Variants in BAZ2B observed in about 807,000 individuals in gnomAD.
The protein encoded by BAZ2B is bromodomain adjacent to zinc finger domain protein 2B.
BAZ2B carries 91 observed loss-of-function variants against 246.0 expected under a neutral mutation model. The observed-to-expected ratio is 0.37, with a 90% confidence interval of 0.31 to 0.44. The LOEUF is 0.44. BAZ2B is among the 20% of genes least tolerant of loss of function. The probability of loss-of-function intolerance (pLI) is 1.00; values close to 1 mark genes in which losing one functional copy is unlikely to be tolerated. For missense variants in BAZ2B, 2,332 were observed against 2,533.7 expected, an observed-to-expected ratio of 0.92 and a Z score of 1.71; for synonymous variants, 855 against 860.0, an observed-to-expected ratio of 0.99 and a Z score of 0.10.
intron 1 of BAZ2B, among the ~76,000 whole-genome samples, chr2:159,568,664 A>C (rs1013085144): frequency 6.6e-6 from 1 of 152,130 alleles, no homozygotes; most frequent in Non-Finnish European, 1.5e-5. Context: ...TGCCTGAATT[A>C]CTCTGGACTG....
At chr2:159,353,376 A>G (rs2058758021) in intron 27 of BAZ2B, among the ~76,000 whole-genome samples, 4 of 152,256 alleles carry the variant, frequency 2.6e-5, no homozygotes, top group South Asian at 4.1e-4. Context: ...GTTGAAAAAC[A>G]AACTCAGTGA....
At chr2:159,364,041 G>A (rs2059977745) in intron 27 of BAZ2B, among the ~76,000 whole-genome samples, 1 of 152,156 alleles carries the variant, frequency 6.6e-6, no homozygotes, top group Non-Finnish European at 1.5e-5. Context: ...AACTCTAGAA[G>A]CCAAGCTTCT....
At chr2:159,380,282 A>T (rs960173246) in intron 25 of BAZ2B, among the ~76,000 whole-genome samples, 1 of 152,178 alleles carries the variant, frequency 6.6e-6, no homozygotes, top group Non-Finnish European at 1.5e-5. Flanking sequence ...ACAATGCTTG[A>T]AATAGTCATC....
chr2:159,385,259 A>C lies in BAZ2B; in HGVS notation c.3582T>G (p.Thr1194=), dbSNP rs1443423511. The change falls in exon 23 of 37, where the codon ACT becomes ACG. Residue 1194 remains threonine, a synonymous_variant. Coordinates refer to ENST00000392783, the MANE Select transcript of BAZ2B (RefSeq NM_013450.4). ...MEAHCGQTEL[T]ESLKTKAFQA... ...GAAAAGCTTTGGTCTTCAGACTTTC[A>C]GTAAGCTCAGTTTGTCCACAGTGGG... The C allele has an allele frequency of 1.2e-6, 2 of 1,613,480 alleles. No individual in the cohort carries two copies. Among genetic ancestry groups the C allele is most frequent in the Non-Finnish European group, 1.7e-6 (2 of 1,179,694 alleles).
intron 1 of BAZ2B, among the ~76,000 whole-genome samples, chr2:159,569,365 C>A (rs1374962356): frequency 1.3e-5 from 2 of 152,092 alleles, no homozygotes; most frequent in Non-Finnish European, 2.9e-5. Context: ...GCAACACGTG[C>A]AGATTCTGTT....
chr2:159,320,463 T>G lies in BAZ2B; in HGVS notation c.6354-45A>C, dbSNP rs1339574740. 2.0e-6 allele frequency: 3 copies of G among 1,479,630 alleles called. No individual in the cohort carries two copies. In the South Asian group the frequency reaches 4.0e-5, roughly 20 times the overall value. The allele number at this position is 1,479,630 out of a possible 1,614,324, so 91.7% of individuals were successfully genotyped here. On this transcript the variant is annotated intron_variant, in intron 36 of 36. Coordinates refer to ENST00000392783, the MANE Select transcript of BAZ2B (RefSeq NM_013450.4). Reference sequence around the variant, plus strand: ...TAGAGATTGCGTTCATAGAGTGGATTTGTTTTGTAAACAAATGAAGAGTTA... The same window carrying G: ...TAGAGATTGCGTTCATAGAGTGGATGTGTTTTGTAAACAAATGAAGAGTTA...
At chr2:159,550,658 TG>T (rs2088051038) in intron 2 of BAZ2B, among the ~76,000 whole-genome samples, 1 of 152,194 alleles carries the variant, frequency 6.6e-6, no homozygotes, top group Non-Finnish European at 1.5e-5. Context: ...ATCTTCTCTG[TG>T]GTAGGTACCT....
intron 3 of BAZ2B, among the ~76,000 whole-genome samples, chr2:159,473,030 C>G (rs2078019078): frequency 6.6e-6 from 1 of 152,102 alleles, no homozygotes; most frequent in Non-Finnish European, 1.5e-5. Flanking sequence ...CCCTCTTTTT[C>G]TATTGTTTGG....
intron 3 of BAZ2B, chr2:159,462,315 T>C: frequency 1.2e-6 from 1 of 829,152 alleles, no homozygotes; most frequent in Non-Finnish European, 1.9e-6. Flanking sequence ...CACTCTTGTT[T>C]ATAAATCACT....
intron 2 of BAZ2B, among the ~76,000 whole-genome samples, chr2:159,549,380 C>T (rs1205566649): frequency 6.6e-6 from 1 of 152,170 alleles, no homozygotes; most frequent in African/African-American, 2.4e-5. Flanking sequence ...TTTCTAGACT[C>T]TCTTCTACAT....
intron 13 of BAZ2B, among the ~76,000 whole-genome samples, chr2:159,420,022 T>C (rs1034446417): frequency 6.6e-6 from 1 of 152,230 alleles, no homozygotes; most frequent in African/African-American, 2.4e-5. Flanking sequence ...AGCCTCCTCT[T>C]ACTCCTTATT....
intron 26 of BAZ2B, 98 bp downstream of exon 26, chr2:159,374,593 G>T: frequency 2.1e-6 from 2 of 975,072 alleles, no homozygotes; most frequent in Non-Finnish European, 3.2e-6. Context: ...CTCACCAAAA[G>T]CCTATTTTTG....
intron 3 of BAZ2B, among the ~76,000 whole-genome samples, chr2:159,475,715 G>T (rs977861014): frequency 6.6e-6 from 1 of 152,160 alleles, no homozygotes; most frequent in Admixed American, 6.5e-5. Flanking sequence ...CTTTGATGTT[G>T]TTGACCTTTG....
At chr2:159,544,877 T>C (rs569245413) in intron 2 of BAZ2B, among the ~76,000 whole-genome samples, 22 of 152,304 alleles carry the variant, frequency 1.4e-4, no homozygotes, top group Middle Eastern at 3.4e-3. Context: ...GGAAATTAAT[T>C]TATGTAGATA....
At chr2:159,354,954 T>C (rs80295179) in intron 27 of BAZ2B, among the ~76,000 whole-genome samples, 1,946 of 152,326 alleles carry the variant, frequency 0.013, 47 homozygotes, top group East Asian at 0.07. Context: ...TAGCAAAGTT[T>C]GCTACTGGAA....
At chr2:159,405,399 A>G (rs2065768704) in intron 14 of BAZ2B, among the ~76,000 whole-genome samples, 1 of 151,994 alleles carries the variant, frequency 6.6e-6, no homozygotes, top group South Asian at 2.1e-4. Flanking sequence ...TTTAGTAGAG[A>G]TGGGGTTTCA....
chr2:159,665,891 T>C, the BAZ2B span, among the ~76,000 whole-genome samples: 1 of 152,176 alleles, frequency 6.6e-6, no homozygotes, highest in African/African-American at 2.4e-5. Context: ...TATGGACATC[T>C]TTTTTAGTTT....
Position 159,332,679 on chromosome 2 carries a change from T to C in BAZ2B, c.5804A>G (p.Gln1935Arg). Residue 1935 changes from glutamine (Q) to arginine (R), a missense_variant, in exon 34 of 37, where the codon CAA becomes CGA. Transcript: ENST00000392783. ...TTCATTATCTCCCTTTCGACAGATTTGGCAGTACTATAATACATGAAAAAT... is the reference window on the plus strand; with the variant it reads ...TTCATTATCTCCCTTTCGACAGATTCGGCAGTACTATAATACATGAAAAAT... ...WEKSIMKVYCQICRKGDNEEL... is the reference protein window; with the variant it reads ...WEKSIMKVYCRICRKGDNEEL... 6.2e-7 allele frequency: 1 copy of C among 1,613,920 alleles called. No homozygotes were observed. The highest frequency in any genetic ancestry group is 8.5e-7 in the Non-Finnish European group (1 of 1,179,876).
At chr2:159,363,025 G>A (rs2059877718) in intron 27 of BAZ2B, among the ~76,000 whole-genome samples, 1 of 152,172 alleles carries the variant, frequency 6.6e-6, no homozygotes. Flanking sequence ...CAGAGCAAGA[G>A]CAAGACTCTT....
Sources: gnomAD v4.1 joint callset for allele counts (sites outside exome capture counted in the v4.1 genomes callset) on GRCh38, gnomAD v4.1.1 for gene constraint, MANE v1.5 for transcripts, NCBI Gene and HGNC (gene_info 2026-07-23, HGNC 2026-07-21) for gene names.